Variants in CDH2 observed in about 807,000 individuals in gnomAD.
CDH2 encodes the protein cadherin 2.
Under a neutral mutation model 92.0 loss-of-function variants are expected in CDH2, and 17 were observed. That is an observed-to-expected ratio of 0.18 (90% confidence interval 0.13 to 0.28). The LOEUF is 0.28. Ranked by LOEUF, CDH2 falls within the 10% of genes least tolerant of loss-of-function variation. CDH2 has a pLI of 1.00. For missense variants in CDH2, 862 were observed against 1,133.1 expected, an observed-to-expected ratio of 0.76 and a Z score of 3.44; for synonymous variants, 419 against 415.9, an observed-to-expected ratio of 1.01 and a Z score of -0.09.
chr18:28,143,766 A>T (rs2144320099), intron 2 of CDH2, among the ~76,000 whole-genome samples: 1 of 152,122 alleles, frequency 6.6e-6, no homozygotes, highest in Admixed American at 6.6e-5. Flanking sequence ...TGCTGCTAAC[A>T]ATCTAAAGAA....
chr18:28,070,923 T>C (rs1054039770), intron 2 of CDH2, among the ~76,000 whole-genome samples: 2 of 152,132 alleles, frequency 1.3e-5, no homozygotes, highest in African/African-American at 4.8e-5. Context: ...TTTTCAATTT[T>C]TTTTCTTCTC....
At chr18:28,103,006 C>T (rs1469684430) in intron 2 of CDH2, among the ~76,000 whole-genome samples, 1 of 151,286 alleles carries the variant, frequency 6.6e-6, no homozygotes, top group Non-Finnish European at 1.5e-5. Flanking sequence ...CTATTATTTG[C>T]CTATAAAAAA....
intron 14 of CDH2, among the ~76,000 whole-genome samples, chr18:27,976,930 G>A (rs929559453): frequency 6.6e-6 from 1 of 152,074 alleles, no homozygotes; most frequent in Admixed American, 6.6e-5. Flanking sequence ...GTGAGATATC[G>A]GCTATATTGT....
In CDH2 at chr18:28,023,685, A is replaced by T. The variant is rs562898043; in HGVS notation, c.173-9776T>A. Among the ~76,000 whole-genome samples, 3 of 152,228 alleles carry T rather than the reference A, an allele frequency of 2.0e-5. No homozygotes were observed. In the South Asian group the frequency reaches 6.2e-4, roughly 32 times the overall value. On this transcript the variant is annotated intron_variant, in intron 2 of 15. Coordinates refer to ENST00000269141, the MANE Select transcript of CDH2 (RefSeq NM_001792.5). ...GCCTCCCTGCATACATAATCTACAG[A>T]AGTTTGTTTTGATTTGCTCAGAATA... is the stretch of plus-strand genomic sequence containing the variant.
intron 2 of CDH2, among the ~76,000 whole-genome samples, chr18:28,041,520 C>A (rs1185548280): frequency 6.6e-6 from 1 of 152,146 alleles, no homozygotes; most frequent in African/African-American, 2.4e-5. Flanking sequence ...AGTCAGCAGG[C>A]AACTGTGTTT....
chr18:28,106,354 T>C (rs1162475282), intron 2 of CDH2, among the ~76,000 whole-genome samples: 1 of 152,104 alleles, frequency 6.6e-6, no homozygotes, highest in Non-Finnish European at 1.5e-5. Flanking sequence ...GAGGCGGCGG[T>C]TGCAGTGAGC....
chr18:28,021,564 G>A (rs2013411302), intron 2 of CDH2, among the ~76,000 whole-genome samples: 1 of 151,866 alleles, frequency 6.6e-6, no homozygotes, highest in Admixed American at 6.6e-5. Flanking sequence ...AAAACTGTGT[G>A]AACATGATGA....
chr18:28,145,566 A>G (rs2016022772), intron 2 of CDH2, among the ~76,000 whole-genome samples: 1 of 152,136 alleles, frequency 6.6e-6, no homozygotes, highest in Non-Finnish European at 1.5e-5. Flanking sequence ...AAAAACTCCA[A>G]AAAGATGTAA....
intron 2 of CDH2, among the ~76,000 whole-genome samples, chr18:28,070,886 T>G (rs1237036726): frequency 6.6e-6 from 1 of 152,178 alleles, no homozygotes; most frequent in Non-Finnish European, 1.5e-5. Context: ...TCGATTTTAC[T>G]TATTTATTAT....
intron 2 of CDH2, among the ~76,000 whole-genome samples, chr18:28,083,368 T>C (rs1267152419): frequency 6.6e-6 from 1 of 152,138 alleles, no homozygotes; most frequent in African/African-American, 2.4e-5. Context: ...GCTAGACTGA[T>C]CATAGCACTG....
rs772526949 is a variant in CDH2 at position 28,003,093 on chromosome 18, G to A, written c.924C>T (p.Ile308=). Residue 308 remains isoleucine (I), a synonymous_variant, in exon 7 of 16, where the codon ATC becomes ATT. Transcript: ENST00000269141. ...NALNGMLRYR[I]VSQAPSTPSP... ...AAGGGGTGCTTGGAGCCTGAGACAC[G>A]ATTCTGTACCTCAACATCCCATTGA... 1.1e-5 allele frequency: 17 copies of A among 1,613,572 alleles called. No homozygotes were observed. In the East Asian group the frequency reaches 2.5e-4, roughly 23 times the overall value.
At chr18:28,102,824 AT>A (rs2015248577) in intron 2 of CDH2, among the ~76,000 whole-genome samples, 1 of 152,006 alleles carries the variant, frequency 6.6e-6, no homozygotes, top group Non-Finnish European at 1.5e-5. Flanking sequence ...GGAAGAAAAT[AT>A]AAAGCATAAA....
At chr18:28,031,040 A>C (rs1237987466) in intron 2 of CDH2, among the ~76,000 whole-genome samples, 1 of 151,218 alleles carries the variant, frequency 6.6e-6, no homozygotes, top group African/African-American at 2.4e-5. Context: ...ACCAAGATGA[A>C]TCTTGAATAT....
chr18:28,112,089 T>C (rs1462370367), intron 2 of CDH2, among the ~76,000 whole-genome samples: 14 of 152,170 alleles, frequency 9.2e-5, no homozygotes, highest in Admixed American at 9.2e-4. Context: ...GTTAGATATA[T>C]TTAGCATTTA....
At chr18:28,095,816 AAAAAAAAAAG>A (rs1178617990) in intron 2 of CDH2, among the ~76,000 whole-genome samples, 2 of 151,454 alleles carry the variant, frequency 1.3e-5, no homozygotes, top group African/African-American at 4.9e-5. Flanking sequence ...TCAAAAAAAA[AAAAAAAAAAG>A]AAAGAAAAGA....
downstream of CDH2, among the ~76,000 whole-genome samples, chr18:27,947,676 A>G (rs143433165): frequency 2.0e-5 from 3 of 149,276 alleles, no homozygotes; most frequent in South Asian, 6.3e-4. Context: ...TGATATAAGT[A>G]TATGTGATAT....
chr18:28,046,862 T>G (rs2144118315), intron 2 of CDH2, among the ~76,000 whole-genome samples: 1 of 152,284 alleles, frequency 6.6e-6, no homozygotes, highest in African/African-American at 2.4e-5. Flanking sequence ...TCAATTGGAG[T>G]AATGGATAAA....
chr18:28,163,544 G>A (rs2016336306), intron 1 of CDH2, among the ~76,000 whole-genome samples: 1 of 152,174 alleles, frequency 6.6e-6, no homozygotes, highest in Non-Finnish European at 1.5e-5. Context: ...AGTATCCCTG[G>A]CATTTATACC....
At chr18:28,139,841 A>C (rs1426882824) in intron 2 of CDH2, among the ~76,000 whole-genome samples, 2 of 151,978 alleles carry the variant, frequency 1.3e-5, no homozygotes, top group Non-Finnish European at 2.9e-5. Context: ...ACCCTGTGTC[A>C]AGGTTTTACT....
Sources: gnomAD v4.1 joint callset for allele counts (sites outside exome capture counted in the v4.1 genomes callset) on GRCh38, gnomAD v4.1.1 for gene constraint, MANE v1.5 for transcripts, NCBI Gene and HGNC (gene_info 2026-07-23, HGNC 2026-07-21) for gene names.